UNC13B: variants seen among roughly 807,000 people sequenced by gnomAD.
UNC13B encodes the protein protein unc-13 homolog B.
UNC13B carries 144 observed loss-of-function variants against 211.0 expected under a neutral mutation model. The ratio of observed to expected loss-of-function variants is 0.68; its 90% CI spans 0.60 to 0.78. UNC13B has a LOEUF of 0.78. Among genes scored for constraint, UNC13B ranks in the 30% least tolerant of loss-of-function variants. UNC13B has a pLI of 0.00. For missense variants in UNC13B, 1,777 were observed against 2,002.0 expected (o/e 0.89, Z 2.14); for synonymous variants, 709 against 725.8 (o/e 0.98, Z 0.37).
chr9:35,401,243 G>C (rs2132384118), intron 37 of UNC13B, among the ~76,000 whole-genome samples: 1 of 152,304 alleles, frequency 6.6e-6, no homozygotes, highest in East Asian at 1.9e-4. Context: ...TGAGCTGTGT[G>C]TGAATCTGGG....
chr9:35,310,893 G>A (rs2131862163), intron 10 of UNC13B, 112 bp downstream of exon 10: 1 of 990,082 alleles, frequency 1.0e-6, no homozygotes, highest in African/African-American at 1.6e-5. Context: ...TATGGTGGTA[G>A]TTAACACCTC....
At chr9:35,203,521 A>G (rs1823447364) in intron 1 of UNC13B, among the ~76,000 whole-genome samples, 1 of 152,220 alleles carries the variant, frequency 6.6e-6, no homozygotes. Flanking sequence ...TTCTGCCAAG[A>G]GATCTGCTGT....
At chr9:35,222,974 T>G (rs1824643558) in intron 1 of UNC13B, among the ~76,000 whole-genome samples, 1 of 152,234 alleles carries the variant, frequency 6.6e-6, no homozygotes, top group Admixed American at 6.5e-5. Context: ...CCTAGCTTAT[T>G]TCACTTAACA....
intron 31 of UNC13B, 66 bp downstream of exon 31, chr9:35,398,354 TC>T (rs1396624993): frequency 7.8e-6 from 12 of 1,540,558 alleles, no homozygotes; most frequent in Non-Finnish European, 1.1e-5. Flanking sequence ...GCCATAGAAC[TC>T]CACCCTCTCT....
At position 35,231,225 on chromosome 9, in the gene UNC13B, T is replaced by C. The variant is rs1182277000; in HGVS notation, c.152+6T>C. 8 of 1,595,594 alleles carry C rather than the reference T, an allele frequency of 5.0e-6. No individual in the cohort carries two copies. The highest frequency in any genetic ancestry group is 6.9e-6 in the Non-Finnish European group (8 of 1,163,480). On this transcript the variant is annotated splice_donor_region_variant and intron_variant, in intron 3 of 39. Transcript: ENST00000635942. ...TGGGAACAGGATTTCATGTTGTAAG[T>C]ATTTTGCAGCAGCAGTGTGCCTACA...
intron 3 of UNC13B, among the ~76,000 whole-genome samples, chr9:35,234,402 G>A (rs1825378222): frequency 6.6e-6 from 1 of 152,192 alleles, no homozygotes; most frequent in Non-Finnish European, 1.5e-5. Context: ...TTACAGGCAT[G>A]AGCCATTGCA....
chr9:35,359,274 G>T (rs1321739105), intron 11 of UNC13B, among the ~76,000 whole-genome samples: 2 of 151,852 alleles, frequency 1.3e-5, no homozygotes, highest in African/African-American at 4.8e-5. Context: ...TCTCTGTCTT[G>T]GTTTCCTCCT....
chr9:35,364,415 TTGTCCCGAGGACCTCTCCC>T, intron 11 of UNC13B: 1 of 939,132 alleles, frequency 1.1e-6, no homozygotes, highest in Non-Finnish European at 1.6e-6. Flanking sequence ...AACTGCCTAG[TTGTCCCGAGGACCTCTCCC>T]TCTCTTCCAT....
chr9:35,258,098 G>A (rs943179079), intron 6 of UNC13B, among the ~76,000 whole-genome samples: 4 of 152,198 alleles, frequency 2.6e-5, no homozygotes, highest in African/African-American at 9.7e-5. Flanking sequence ...TATTTGTTGA[G>A]TTAATAAGTA....
At chr9:35,335,654 T>G (rs1264417562) in intron 11 of UNC13B, among the ~76,000 whole-genome samples, 1 of 151,886 alleles carries the variant, frequency 6.6e-6, no homozygotes, top group Non-Finnish European at 1.5e-5. Flanking sequence ...GAGATAAAAC[T>G]GTTGACTGAT....
intron 2 of UNC13B, among the ~76,000 whole-genome samples, chr9:35,230,115 A>G (rs1191904995): frequency 3.3e-5 from 5 of 152,140 alleles, no homozygotes; most frequent in African/African-American, 1.2e-4. Flanking sequence ...TTGTTTAGTA[A>G]TCAACTTGTT....
In UNC13B at chr9:35,404,169, T is replaced by G; in HGVS notation, c.*136T>G. ...TCAGTTAAAGATATTTAAGGAAAAA[T>G]TTGGGGTGGTGATAATATGGCTTTT... is the stretch of plus-strand genomic sequence containing the variant. On this transcript the variant is annotated 3_prime_UTR_variant, in exon 40 of 40. Coordinates refer to ENST00000635942, the MANE Select transcript of UNC13B (RefSeq NM_001371189.2). The G allele has an allele frequency of 8.1e-7, 1 of 1,240,128 alleles. No homozygotes were observed. Among genetic ancestry groups the G allele is most frequent in the South Asian group, 1.6e-5 (1 of 63,360 alleles). 76.8% of individuals were successfully genotyped at this position (1,240,128 alleles called of 1,614,324 possible). A position where few individuals can be genotyped will look rare whatever the true frequency, so the allele number is the denominator to read the frequency against.
rs1391321094 is a variant in UNC13B, at chr9:35,302,579, A to C, written c.3175A>C (p.Asn1059His). Reference protein sequence around the residue: ...NINNDLGKFGNIEELNPSDHT... With the variant: ...NINNDLGKFGHIEELNPSDHT... ...TAATAATGATCTGGGGAAATTTGGG[A>C]ATATAGAGGAATTAAATCCAAGTGA... The change falls in exon 9 of 40, where the codon AAT becomes CAT. Residue 1059 changes from asparagine (N) to histidine (H), a missense_variant. Physicochemically the swap from Asn to His is moderately conservative, Grantham distance 68 (BLOSUM62 1). Coordinates refer to ENST00000635942, the MANE Select transcript of UNC13B (RefSeq NM_001371189.2). 1 of 398,464 alleles carries C rather than the reference A, an allele frequency of 2.5e-6. No homozygotes were observed. Among genetic ancestry groups the C allele is most frequent in the Non-Finnish European group, 4.4e-6 (1 of 225,746 alleles). 24.7% of individuals were successfully genotyped at this position (398,464 alleles called of 1,614,324 possible).
Position 35,163,791 on chromosome 9 carries a change from G to T in UNC13B, c.22+1486G>T, listed in dbSNP as rs993709678. On this transcript the variant is annotated intron_variant, in intron 1 of 39. Transcript: ENST00000635942. ...GCAGGTTTCATTGTCTAGAAATTCT[G>T]CTATTTAGCTAACTTCTTTCCTTTT... 3.9e-5 allele frequency among the ~76,000 whole-genome samples: 6 copies of T among 152,242 alleles called. No homozygotes were observed. In the South Asian group the frequency reaches 1.0e-3, roughly 26 times the overall value.
intron 7 of UNC13B, among the ~76,000 whole-genome samples, chr9:35,273,123 A>C (rs1024877799): frequency 6.6e-6 from 1 of 152,212 alleles, no homozygotes; most frequent in African/African-American, 2.4e-5. Flanking sequence ...ATAACCCAAC[A>C]TATTGTTTAA....
At chr9:35,346,776 A>G (rs1487613363) in intron 11 of UNC13B, among the ~76,000 whole-genome samples, 2 of 152,184 alleles carry the variant, frequency 1.3e-5, no homozygotes, top group Non-Finnish European at 2.9e-5. Flanking sequence ...GGTATCTTAA[A>G]GGAAACTCCA....
intron 7 of UNC13B, among the ~76,000 whole-genome samples, chr9:35,281,327 A>G (rs1342548067): frequency 1.3e-5 from 2 of 151,510 alleles, no homozygotes; most frequent in African/African-American, 4.9e-5. Flanking sequence ...GAGGTAGGAG[A>G]ATTGCTTGAA....
At chr9:35,189,268 GGTGAAAAACCT>G (rs1822522009) in intron 1 of UNC13B, among the ~76,000 whole-genome samples, 1 of 152,134 alleles carries the variant, frequency 6.6e-6, no homozygotes, top group South Asian at 2.1e-4. Flanking sequence ...TTTTACTTTT[GGTGAAAAACCT>G]GTTTAGTAAG....
rs539506097 is a variant in UNC13B, at chr9:35,302,612, G to A, written c.3208G>A (p.Ala1070Thr). 263 of 398,662 alleles carry A rather than the reference G, an allele frequency of 6.6e-4. No homozygotes were observed. Among genetic ancestry groups the A allele is most frequent in the African/African-American group, 4.7e-3 (227 of 48,746 alleles). The allele number at this position is 398,662 out of a possible 1,614,324, so 24.7% of individuals were successfully genotyped here. ...GGAATTAAATCCAAGTGACCACACAGCAGGACAGAATTTTGAAAGGGATGG... is the reference window on the plus strand; with the variant it reads ...GGAATTAAATCCAAGTGACCACACAACAGGACAGAATTTTGAAAGGGATGG... Reference protein sequence around the residue: ...IEELNPSDHTAGQNFERDGLA... With the variant: ...IEELNPSDHTTGQNFERDGLA... The change falls in exon 9 of 40, where the codon GCA becomes ACA. Residue 1070 changes from alanine to threonine, a missense_variant. Transcript: ENST00000635942.
Sources: allele counts gnomAD v4.1 joint callset (sites outside exome capture counted in the v4.1 genomes callset), GRCh38; gene constraint gnomAD v4.1.1; transcripts MANE v1.5; gene names NCBI Gene and HGNC (gene_info 2026-07-23, HGNC 2026-07-21).